Variants in FRAS1 observed in about 807,000 individuals in gnomAD.
FRAS1 encodes the protein Fraser extracellular matrix complex subunit 1.
In FRAS1, 290 loss-of-function variants were observed where a neutral mutation model predicts 435.2. The observed-to-expected ratio is 0.67, with a 90% confidence interval of 0.61 to 0.73. The LOEUF (loss-of-function observed/expected upper bound fraction) is 0.73. FRAS1 is among the 30% of genes least tolerant of loss of function. FRAS1 has a pLI of 0.00. For missense variants in FRAS1, 4,860 were observed against 5,001.5 expected (o/e 0.97, Z 0.85); for synonymous variants, 1,800 against 1,851.0 (o/e 0.97, Z 0.71).
At chr4:78,198,132 G>A (rs369283678) in intron 2 of FRAS1, among the ~76,000 whole-genome samples, 35 of 152,164 alleles carry the variant, frequency 2.3e-4, no homozygotes, top group Admixed American at 1.2e-3. Flanking sequence ...ACCACAAGGC[G>A]GCCTCTTTTC....
At chr4:78,209,938 G>C (rs1322194124) in intron 2 of FRAS1, among the ~76,000 whole-genome samples, 1 of 152,204 alleles carries the variant, frequency 6.6e-6, no homozygotes, top group African/African-American at 2.4e-5. Flanking sequence ...CTGTGCCAGA[G>C]TTCCTGCGGT....
At chr4:78,499,582 A>G in intron 60 of FRAS1, 139 bp from the exon 61 acceptor site, 1 of 657,014 alleles carries the variant, frequency 1.5e-6, no homozygotes, top group Non-Finnish European at 2.6e-6. Flanking sequence ...ATTGAGTTTT[A>G]TGACTGCAAG....
At position 78,543,229 on chromosome 4, in the gene FRAS1, C is replaced by G. The variant is rs888700791; in HGVS notation, c.*2105C>G. The G allele has an allele frequency of 6.6e-6, 1 of 152,198 alleles. No individual in the cohort carries two copies. The highest frequency in any genetic ancestry group is 1.5e-5 in the Non-Finnish European group (1 of 68,060). 9.4% of individuals were successfully genotyped at this position (152,198 alleles called of 1,614,324 possible). A position where few individuals can be genotyped will look rare whatever the true frequency, so the allele number is the denominator to read the frequency against. On this transcript the variant is annotated 3_prime_UTR_variant, in exon 74 of 74. Transcript: ENST00000512123. ...GGCTGGAGAGCTGATCAGCCAGGCA[C>G]AGAATCTCCAGAACAACCTAGAGAG...
intron 62 of FRAS1, among the ~76,000 whole-genome samples, chr4:78,508,507 G>A (rs1718365361): frequency 6.6e-6 from 1 of 152,134 alleles, no homozygotes; most frequent in Non-Finnish European, 1.5e-5. Flanking sequence ...AAACTAAAAG[G>A]ATAATAAAGC....
chr4:78,363,428 A>C, intron 20 of FRAS1, 85 bp from the exon 21 acceptor site: 1 of 1,353,354 alleles, frequency 7.4e-7, no homozygotes, highest in Non-Finnish European at 1.0e-6. Context: ...TTTGTAATTG[A>C]AATCTCTTCT....
rs1213580832 is a variant in FRAS1 at position 78,085,649 on chromosome 4, G to A, written c.108+19633G>A. Among the ~76,000 whole-genome samples the A allele has an allele frequency of 3.9e-5, 6 of 151,990 alleles. No individual in the cohort carries two copies. The East Asian group carries it at 9.7e-4, about 24-fold the overall frequency. ...CAAGAATTGTTGATCCAGTGGCTTG[G>A]TTAATAACAGTATGTTAAGAGACAA... is the stretch of plus-strand genomic sequence containing the variant. On this transcript the variant is annotated intron_variant, in intron 2 of 73. Transcript: ENST00000512123.
chr4:78,543,606 A>G lies in FRAS1; in HGVS notation c.*2482A>G, dbSNP rs1722122070. The G allele has an allele frequency of 6.6e-6, 1 of 152,218 alleles. No homozygotes were observed. Among genetic ancestry groups the G allele is most frequent in the African/African-American group, 2.4e-5 (1 of 41,450 alleles). 9.4% of individuals were successfully genotyped at this position (152,218 alleles called of 1,614,324 possible). A position where few individuals can be genotyped will look rare whatever the true frequency, so the allele number is the denominator to read the frequency against. On this transcript the variant is annotated 3_prime_UTR_variant, in exon 74 of 74. Transcript: ENST00000512123. Reference sequence around the variant, plus strand: ...CTTTCTTTCTGCCTTTCACCCCACTAAATGTATGTTATTGAATGCCAGTAC... The same window carrying G: ...CTTTCTTTCTGCCTTTCACCCCACTGAATGTATGTTATTGAATGCCAGTAC...
At chr4:78,130,564 A>G (rs1052158963) in intron 2 of FRAS1, among the ~76,000 whole-genome samples, 1 of 152,154 alleles carries the variant, frequency 6.6e-6, no homozygotes, top group South Asian at 2.1e-4. Flanking sequence ...GCGAGTTGTA[A>G]CCACCTTCAA....
At chr4:78,291,016 T>G (rs1388912879) in intron 14 of FRAS1, among the ~76,000 whole-genome samples, 1 of 152,164 alleles carries the variant, frequency 6.6e-6, no homozygotes, top group Non-Finnish European at 1.5e-5. Flanking sequence ...TCCGCCCGCC[T>G]TGGCCTCCCA....
rs554943600 is a variant in FRAS1, at chr4:78,325,655, A to G, written c.2137+6669A>G. 2.6e-5 allele frequency among the ~76,000 whole-genome samples: 4 copies of G among 152,348 alleles called. No individual in the cohort carries two copies. In the South Asian group the frequency reaches 8.3e-4, roughly 32 times the overall value. On this transcript the variant is annotated intron_variant, in intron 18 of 73. Coordinates refer to ENST00000512123, the MANE Select transcript of FRAS1 (RefSeq NM_025074.7). ...AGGCTTTGGGGATAGAAAGATGAAA[A>G]AAATACAGGCCATGCCTGAAGGAAA...
intron 73 of FRAS1, 45 bp from the exon 74 acceptor site, chr4:78,540,486 G>A (rs1722013392): frequency 3.2e-6 from 4 of 1,265,484 alleles, no homozygotes; most frequent in Non-Finnish European, 4.3e-6. Context: ...TTCTTCAGAG[G>A]TGGTCTGTGG....
chr4:78,499,281 G>C (rs1427706449), intron 60 of FRAS1, among the ~76,000 whole-genome samples: 1 of 152,184 alleles, frequency 6.6e-6, no homozygotes, highest in African/African-American at 2.4e-5. Context: ...GTATATAAAT[G>C]AGATAAATTA....
chr4:78,319,066 G>C (rs1423887259), intron 18 of FRAS1, 80 bp downstream of exon 18: 1 of 1,360,502 alleles, frequency 7.4e-7, no homozygotes, highest in Non-Finnish European at 1.0e-6. Context: ...CCAAAGCCAG[G>C]AAGACCGATG....
At position 78,058,225 on chromosome 4, in the gene FRAS1, T is replaced by C. The variant is rs564784104; in HGVS notation, c.76+140T>C. ...GGAAGTTTTTCTGGGAAGGGTGAGGTGGAAGTGAAACTGGAATAGGCTTTT... is the reference window on the plus strand; with the variant it reads ...GGAAGTTTTTCTGGGAAGGGTGAGGCGGAAGTGAAACTGGAATAGGCTTTT... On this transcript the variant is annotated intron_variant, in intron 1 of 73. Transcript: ENST00000512123. 26 of 670,876 alleles carry C rather than the reference T, an allele frequency of 3.9e-5. No individual in the cohort carries two copies. The Admixed American group carries it at 6.0e-4, about 15-fold the overall frequency. The allele number at this position is 670,876 out of a possible 1,614,324, so 41.6% of individuals were successfully genotyped here.
At chr4:78,253,742 G>A (rs964413826) in intron 5 of FRAS1, among the ~76,000 whole-genome samples, 1 of 152,148 alleles carries the variant, frequency 6.6e-6, no homozygotes, top group Non-Finnish European at 1.5e-5. Context: ...TTGAGATTCT[G>A]TGAGTTTCTG....
At chr4:78,243,407 C>A (rs982532055) in intron 3 of FRAS1, among the ~76,000 whole-genome samples, 1 of 151,992 alleles carries the variant, frequency 6.6e-6, no homozygotes, top group Non-Finnish European at 1.5e-5. Context: ...CCCCTGCAAC[C>A]ACTTTCTAAA....
chr4:78,444,176 T>C (rs1718696511), intron 41 of FRAS1: 3 of 455,646 alleles, frequency 6.6e-6, no homozygotes, highest in Middle Eastern at 6.5e-4. Flanking sequence ...CATTTTTGAC[T>C]CAAATAAAGA....
chr4:78,069,226 G>C (rs936554431), intron 2 of FRAS1, among the ~76,000 whole-genome samples: 3 of 152,170 alleles, frequency 2.0e-5, no homozygotes, highest in African/African-American at 7.2e-5. Flanking sequence ...AACTGGGGCA[G>C]GGATGTTAAA....
intron 2 of FRAS1, among the ~76,000 whole-genome samples, chr4:78,186,259 T>C (rs1722262278): frequency 6.6e-6 from 1 of 152,176 alleles, no homozygotes. Context: ...TACTTTTTTT[T>C]TTTTCCTCCA....
Sources: allele counts gnomAD v4.1 joint callset (sites outside exome capture counted in the v4.1 genomes callset), GRCh38; gene constraint gnomAD v4.1.1; transcripts MANE v1.5; gene names NCBI Gene and HGNC (gene_info 2026-07-23, HGNC 2026-07-21).